The following TSC22D2 variants were observed in gnomAD, a reference collection of about 807,000 sequenced individuals.
TSC22D2 encodes TSC22 domain family member 2, also known as TSC22 domain family protein 2.
TSC22D2 carries 5 observed loss-of-function variants against 50.1 expected under a neutral mutation model. That is an observed-to-expected ratio of 0.10 (90% confidence interval 0.05 to 0.21). The LOEUF (loss-of-function observed/expected upper bound fraction) is 0.21, where lower values mean the gene tolerates loss of function less well. Among genes scored for constraint, TSC22D2 ranks in the 10% least tolerant of loss-of-function variants. TSC22D2 has a pLI of 1.00. For synonymous variants in TSC22D2, 501 were observed against 450.1 expected (o/e 1.11, Z -1.43); for missense variants, 1,003 against 1,015.5 (o/e 0.99, Z 0.17).
chr3:150,412,176 G>A (rs1719599497), intron 1 of TSC22D2, among the ~76,000 whole-genome samples: 1 of 152,122 alleles, frequency 6.6e-6, no homozygotes, highest in Non-Finnish European at 1.5e-5. Context: ...TTATGGTTTA[G>A]TGAGGATTTT....
intron 1 of TSC22D2, among the ~76,000 whole-genome samples, chr3:150,428,239 A>G (rs4681618): frequency 0.38 from 57,702 of 151,902 alleles, 11,370 homozygotes; most frequent in Middle Eastern, 0.54. Context: ...TGCTTACTAC[A>G]GTTGCTATTC....
intron 1 of TSC22D2, among the ~76,000 whole-genome samples, chr3:150,437,382 A>G (rs1720578948): frequency 6.6e-6 from 1 of 152,096 alleles, no homozygotes; most frequent in African/African-American, 2.4e-5. Context: ...TCTTGCCATT[A>G]TGTTGTCTAT....
chr3:150,428,521 T>C (rs1378387889), intron 1 of TSC22D2, among the ~76,000 whole-genome samples: 3 of 149,514 alleles, frequency 2.0e-5, no homozygotes, highest in African/African-American at 7.4e-5. Flanking sequence ...CTGAAACAAA[T>C]ACAGAAATCA....
intron 1 of TSC22D2, among the ~76,000 whole-genome samples, chr3:150,428,612 T>A (rs34717889): frequency 0.019 from 2,159 of 112,570 alleles, 65 homozygotes; most frequent in African/African-American, 0.056. Context: ...AAAAAAAACA[T>A]ACTTAGATAT....
intron 1 of TSC22D2, among the ~76,000 whole-genome samples, chr3:150,440,685 CCTT>C (rs971567815): frequency 2.6e-5 from 4 of 152,144 alleles, no homozygotes; most frequent in African/African-American, 9.6e-5. Flanking sequence ...TGAGAAACCT[CCTT>C]TTTTGCCCAC....
rs1256779406 is a variant in TSC22D2, at chr3:150,438,564, A to T, written c.1959-18512A>T. On this transcript the variant is annotated intron_variant, in intron 1 of 2. Coordinates refer to ENST00000688009, the MANE Select transcript of TSC22D2 (RefSeq NM_001303264.2). Reference sequence around the variant, plus strand: ...TGCAGTGGTGTTTAGTAAATACATCAGTTTAAAAAAAGAAAGTGAAATCCT... The same window carrying T: ...TGCAGTGGTGTTTAGTAAATACATCTGTTTAAAAAAAGAAAGTGAAATCCT... Among the ~76,000 whole-genome samples the T allele has an allele frequency of 2.0e-5, 3 of 152,160 alleles. No individual in the cohort carries two copies. In the East Asian group the frequency reaches 5.8e-4, roughly 29 times the overall value.
chr3:150,413,441 A>G (rs1719665568), intron 1 of TSC22D2, among the ~76,000 whole-genome samples: 1 of 152,070 alleles, frequency 6.6e-6, no homozygotes, highest in Non-Finnish European at 1.5e-5. Flanking sequence ...ATTGGTTTTT[A>G]ACTTGACATG....
chr3:150,421,123 C>T (rs1362069723), intron 1 of TSC22D2, among the ~76,000 whole-genome samples: 1 of 152,132 alleles, frequency 6.6e-6, no homozygotes, highest in East Asian at 1.9e-4. Context: ...TAAAGAATAT[C>T]ATCCTTATAA....
At chr3:150,447,328 C>T (rs1720916567) in intron 1 of TSC22D2, among the ~76,000 whole-genome samples, 1 of 152,100 alleles carries the variant, frequency 6.6e-6, no homozygotes, top group African/African-American at 2.4e-5. Context: ...TGTTTTGGCC[C>T]CACTTGTCTT....
intron 1 of TSC22D2, among the ~76,000 whole-genome samples, chr3:150,431,502 G>C (rs1021840028): frequency 1.3e-5 from 2 of 152,042 alleles, no homozygotes; most frequent in Non-Finnish European, 2.9e-5. Flanking sequence ...TTAAACAGTT[G>C]TCTTTTTCCC....
intron 1 of TSC22D2, among the ~76,000 whole-genome samples, chr3:150,421,444 A>G (rs1281284301): frequency 2.0e-5 from 3 of 152,254 alleles, no homozygotes; most frequent in Non-Finnish European, 4.4e-5. Context: ...CCTGACAAAT[A>G]CATCTTAAGA....
intron 1 of TSC22D2, among the ~76,000 whole-genome samples, chr3:150,448,313 C>A (rs1329956163): frequency 6.6e-6 from 1 of 151,972 alleles, no homozygotes; most frequent in African/African-American, 2.4e-5. Flanking sequence ...CTGTTGCTAA[C>A]AACAAATTTT....
chr3:150,433,341 G>A (rs1720438683), intron 1 of TSC22D2, among the ~76,000 whole-genome samples: 1 of 152,174 alleles, frequency 6.6e-6, no homozygotes, highest in Non-Finnish European at 1.5e-5. Flanking sequence ...CTGTTTATGT[G>A]GCCACATATT....
At chr3:150,422,740 A>C (rs1233897481) in intron 1 of TSC22D2, among the ~76,000 whole-genome samples, 2 of 152,222 alleles carry the variant, frequency 1.3e-5, no homozygotes, top group Non-Finnish European at 2.9e-5. Flanking sequence ...AGTGTTGATT[A>C]GGCTATGAAT....
Position 150,441,641 on chromosome 3 carries a change from C to T in TSC22D2, c.1959-15435C>T, listed in dbSNP as rs1406165788. The stretch of plus-strand genomic sequence containing the variant: ...TGGTGGTGCACACCTGTGGTCTCAG[C>T]TACTTGGGAGGCTGAGGTGGAAGGA... On this transcript the variant is annotated intron_variant, in intron 1 of 2. Transcript: ENST00000688009. Among the ~76,000 whole-genome samples the T allele has an allele frequency of 2.6e-5, 4 of 152,082 alleles. No homozygotes were observed. In the East Asian group the frequency reaches 5.8e-4, roughly 22 times the overall value.
intron 1 of TSC22D2, among the ~76,000 whole-genome samples, chr3:150,411,762 T>C (rs371862427): frequency 6.6e-5 from 10 of 151,900 alleles, no homozygotes; most frequent in East Asian, 5.8e-4. Flanking sequence ...AAAAAAAATC[T>C]ATGTAAGGAA....
At chr3:150,435,468 C>T (rs1239735840) in intron 1 of TSC22D2, among the ~76,000 whole-genome samples, 3 of 152,068 alleles carry the variant, frequency 2.0e-5, no homozygotes, top group African/African-American at 7.2e-5. Flanking sequence ...CTGTTTCCCC[C>T]CTTTCTCCAT....
At position 150,460,441 on chromosome 3, in the gene TSC22D2, G is replaced by C. The variant is rs1319680909; in HGVS notation, c.*1805G>C. Reference sequence around the variant, plus strand: ...CAGTAGTTAGTTCTCCGTGTTAAAAGACTTATTTGAAGTAAAAATTTAATC... The same window carrying C: ...CAGTAGTTAGTTCTCCGTGTTAAAACACTTATTTGAAGTAAAAATTTAATC... On this transcript the variant is annotated 3_prime_UTR_variant, in exon 3 of 3. Coordinates refer to ENST00000688009, the MANE Select transcript of TSC22D2 (RefSeq NM_001303264.2). 1 of 152,048 alleles carries C rather than the reference G, an allele frequency of 6.6e-6. No homozygotes were observed. Among genetic ancestry groups the C allele is most frequent in the Non-Finnish European group, 1.5e-5 (1 of 68,006 alleles). 9.4% of individuals were successfully genotyped at this position (152,048 alleles called of 1,614,324 possible).
At chr3:150,435,009 G>A (rs1385272623) in intron 1 of TSC22D2, among the ~76,000 whole-genome samples, 1 of 151,928 alleles carries the variant, frequency 6.6e-6, no homozygotes, top group African/African-American at 2.4e-5. Flanking sequence ...ATGGAGTCTT[G>A]CTCTGTCACC....
Sources: allele counts gnomAD v4.1 joint callset (sites outside exome capture counted in the v4.1 genomes callset), GRCh38; gene constraint gnomAD v4.1.1; transcripts MANE v1.5; gene names NCBI Gene and HGNC (gene_info 2026-07-23, HGNC 2026-07-21).